PTPRM: variants seen among roughly 807,000 people sequenced by gnomAD.
The protein encoded by PTPRM is receptor-type tyrosine-protein phosphatase mu.
In PTPRM, 47 loss-of-function variants were observed where a neutral mutation model predicts 186.7. The ratio of observed to expected loss-of-function variants is 0.25; its 90% confidence interval spans 0.20 to 0.32. The LOEUF (loss-of-function observed/expected upper bound fraction) is 0.32. PTPRM is among the 10% of genes least tolerant of loss of function. PTPRM has a pLI of 1.00. For missense variants in PTPRM, 1,494 were observed against 1,865.0 expected (o/e 0.80, Z 3.66); for synonymous variants, 668 against 674.9 (o/e 0.99, Z 0.16).
At chr18:8,243,997 A>C (rs1374072788) in intron 14 of PTPRM, 61 bp from the exon 15 acceptor site, 2 of 1,479,646 alleles carry the variant, frequency 1.4e-6, no homozygotes, top group Non-Finnish European at 1.9e-6. Flanking sequence ...GTCAATATAC[A>C]TGCCAAAGCT....
At chr18:8,124,833 G>A (rs2092288092) in intron 13 of PTPRM, among the ~76,000 whole-genome samples, 2 of 152,254 alleles carry the variant, frequency 1.3e-5, no homozygotes, top group South Asian at 4.1e-4. Context: ...ACATTCTGAA[G>A]TCTTCAGCCA....
intron 13 of PTPRM, among the ~76,000 whole-genome samples, chr18:8,130,390 C>A (rs913600149): frequency 6.6e-6 from 1 of 152,180 alleles, no homozygotes; most frequent in Non-Finnish European, 1.5e-5. Context: ...AAGCATGGTG[C>A]ATCTTCTGGG....
intron 11 of PTPRM, among the ~76,000 whole-genome samples, chr18:8,101,500 A>G (rs2091289202): frequency 6.6e-6 from 1 of 152,198 alleles, no homozygotes; most frequent in Non-Finnish European, 1.5e-5. Context: ...GTGATAGATA[A>G]ATAATAATTA....
intron 22 of PTPRM, among the ~76,000 whole-genome samples, chr18:8,339,776 C>T (rs973920680): frequency 2.6e-5 from 4 of 152,154 alleles, no homozygotes. Context: ...GCTGCTGAAT[C>T]CAAATGGAGT....
chr18:7,845,529 T>G (rs2046550968), intron 2 of PTPRM, among the ~76,000 whole-genome samples: 1 of 152,210 alleles, frequency 6.6e-6, no homozygotes, highest in South Asian at 2.1e-4. Flanking sequence ...TATTTTACAT[T>G]GTAAAAATTT....
intron 7 of PTPRM, among the ~76,000 whole-genome samples, chr18:8,052,868 G>C (rs928124306): frequency 6.6e-6 from 1 of 152,102 alleles, no homozygotes; most frequent in African/African-American, 2.4e-5. Flanking sequence ...TCTAATTTTT[G>C]TGAATCTGAT....
intron 14 of PTPRM, among the ~76,000 whole-genome samples, chr18:8,239,839 G>T (rs2094395707): frequency 6.6e-6 from 1 of 152,102 alleles, no homozygotes. Context: ...AAATTTTAAT[G>T]ATCTATTTAT....
chr18:7,934,402 T>C (rs2051674785), intron 5 of PTPRM, among the ~76,000 whole-genome samples: 2 of 152,346 alleles, frequency 1.3e-5, no homozygotes, highest in East Asian at 3.9e-4. Flanking sequence ...TTCTCCAGTC[T>C]AATAAATTGC....
chr18:8,173,031 G>C (rs910272480), intron 14 of PTPRM, among the ~76,000 whole-genome samples: 1 of 152,174 alleles, frequency 6.6e-6, no homozygotes, highest in Admixed American at 6.5e-5. Flanking sequence ...TCAGTTCAGG[G>C]ATTAGGAGTG....
intron 31 of PTPRM, among the ~76,000 whole-genome samples, chr18:8,391,379 G>A (rs1269576445): frequency 6.6e-6 from 1 of 152,186 alleles, no homozygotes; most frequent in East Asian, 1.9e-4. Context: ...ATTGTACAGT[G>A]GGTATTCATT....
intron 1 of PTPRM, among the ~76,000 whole-genome samples, chr18:7,740,507 C>T (rs1355732690): frequency 1.3e-5 from 2 of 152,184 alleles, no homozygotes; most frequent in African/African-American, 4.8e-5. Flanking sequence ...CAGCCTGAAA[C>T]TCCTGGGCTG....
intron 5 of PTPRM, 102 bp downstream of exon 5, chr18:7,926,785 A>T: frequency 1.4e-6 from 1 of 702,394 alleles, no homozygotes; most frequent in Non-Finnish European, 2.2e-6. Context: ...CTAGTGTAAG[A>T]GTTTCCTTCT....
chr18:8,124,875 C>T (rs959191153), intron 13 of PTPRM, among the ~76,000 whole-genome samples: 5 of 152,136 alleles, frequency 3.3e-5, no homozygotes, highest in African/African-American at 7.2e-5. Context: ...ACTGTGCTGA[C>T]ATCTTGCCCC....
At chr18:7,895,444 A>G in intron 3 of PTPRM, among the ~76,000 whole-genome samples, 1 of 152,246 alleles carries the variant, frequency 6.6e-6, no homozygotes, top group East Asian at 1.9e-4. Flanking sequence ...GGAACACTGC[A>G]TGAGACAAAG....
chr18:7,685,899 G>T (rs967610935), intron 1 of PTPRM, among the ~76,000 whole-genome samples: 3 of 152,054 alleles, frequency 2.0e-5, no homozygotes, highest in Non-Finnish European at 4.4e-5. Context: ...AGGGTGCTTT[G>T]GTTGCAAGCA....
rs138927856 is a variant in PTPRM, at chr18:7,955,479, G to A, written c.1132+65G>A. ...TCCTGGTGTTGACTGGCAGCACTGG[G>A]GTTGATCAGATGCCTAGCACGCTTC... On this transcript the variant is annotated intron_variant, in intron 7 of 32. Coordinates refer to ENST00000580170, the MANE Select transcript of PTPRM (RefSeq NM_001105244.2). 3,408 of 1,540,696 alleles carry A rather than the reference G, an allele frequency of 2.2e-3. 10 individuals are homozygous for A. Among genetic ancestry groups the A allele is most frequent in the Non-Finnish European group, 2.7e-3 (3,041 of 1,141,458 alleles).
intron 1 of PTPRM, among the ~76,000 whole-genome samples, chr18:7,594,496 A>C (rs1222475984): frequency 6.6e-6 from 1 of 151,696 alleles, no homozygotes; most frequent in Non-Finnish European, 1.5e-5. Context: ...GAAAAAAAAA[A>C]CCAAACAAAC....
At chr18:8,287,035 C>T (rs150093166) in intron 19 of PTPRM, among the ~76,000 whole-genome samples, 106 of 151,184 alleles carry the variant, frequency 7.0e-4, no homozygotes, top group African/African-American at 2.3e-3. Context: ...CTCTGATTTC[C>T]GAGGTGAGGA....
chr18:7,663,783 G>A lies in PTPRM; in HGVS notation c.73+95892G>A, dbSNP rs909350968. Among the ~76,000 whole-genome samples the A allele has an allele frequency of 6.6e-5, 10 of 152,302 alleles. No individual in the cohort carries two copies. In the South Asian group the frequency reaches 2.1e-3, roughly 32 times the overall value. On this transcript the variant is annotated intron_variant, in intron 1 of 32. Transcript: ENST00000580170. ...GTGGTGTTTTCATTTGCCTCATATT[G>A]ATGGGTTCCCTCAGGGCTGAGGATA...
Sources: gnomAD v4.1 joint callset for allele counts (sites outside exome capture counted in the v4.1 genomes callset) on GRCh38, gnomAD v4.1.1 for gene constraint, MANE v1.5 for transcripts, NCBI Gene and HGNC (gene_info 2026-07-23, HGNC 2026-07-21) for gene names.